The following PSMB2 variants were observed in gnomAD, a reference collection of about 807,000 sequenced individuals.
PSMB2 encodes proteasome subunit beta type-2.
Under a neutral mutation model 25.7 loss-of-function variants are expected in PSMB2, and 13 were observed. That is an observed-to-expected ratio of 0.51 (90% confidence interval 0.33 to 0.80). The LOEUF (loss-of-function observed/expected upper bound fraction) is 0.80. PSMB2 is among the 30% of genes least tolerant of loss of function. PSMB2 has a pLI of 0.02. For missense variants in PSMB2, 202 were observed against 259.0 expected, an observed-to-expected ratio of 0.78 and a Z score of 1.51; for synonymous variants, 87 against 96.2, an observed-to-expected ratio of 0.90 and a Z score of 0.56.
chr1:35,622,092 A>C (rs963916693), intron 3 of PSMB2, among the ~76,000 whole-genome samples: 1 of 152,178 alleles, frequency 6.6e-6, no homozygotes, highest in Admixed American at 6.5e-5. Context: ...AAATAGAAAA[A>C]TCCACCTTTC....
At chr1:35,622,223 G>C (rs1650710241) in intron 3 of PSMB2, among the ~76,000 whole-genome samples, 1 of 152,012 alleles carries the variant, frequency 6.6e-6, no homozygotes, top group Non-Finnish European at 1.5e-5. Flanking sequence ...ACATGATCTT[G>C]GGCCAGGGCA....
intron 2 of PSMB2, among the ~76,000 whole-genome samples, chr1:35,633,304 G>A (rs75640207): frequency 0.039 from 5,856 of 151,696 alleles, 356 homozygotes; most frequent in African/African-American, 0.12. Flanking sequence ...AAACACCACT[G>A]AAGATCTGAC....
chr1:35,606,110 C>T (rs973793560), intron 4 of PSMB2, among the ~76,000 whole-genome samples: 2 of 152,164 alleles, frequency 1.3e-5, no homozygotes, highest in Non-Finnish European at 2.9e-5. Flanking sequence ...CCAAAGTACC[C>T]ACTGCCCACA....
intron 3 of PSMB2, among the ~76,000 whole-genome samples, chr1:35,628,616 TATATATATATATATA>T (rs1557456475): frequency 1.7e-4 from 9 of 53,130 alleles, no homozygotes; most frequent in Admixed American, 2.7e-4. Context: ...TATATATATA[TATATATATATATATA>T]TTTTTTTTTT....
chr1:35,628,647 T>TA (rs1650990846), intron 3 of PSMB2, among the ~76,000 whole-genome samples: 4 of 99,952 alleles, frequency 4.0e-5, no homozygotes, highest in Non-Finnish European at 8.5e-5. Flanking sequence ...TTTTTTTTTT[T>TA]TAAAGAAAAG....
intron 2 of PSMB2, among the ~76,000 whole-genome samples, chr1:35,635,573 G>C (rs941009799): frequency 6.6e-6 from 1 of 152,114 alleles, no homozygotes; most frequent in Non-Finnish European, 1.5e-5. Flanking sequence ...GCTCACGCCT[G>C]TAATCCCAGC....
At chr1:35,628,597 ATATATATATATATATAT>A (rs1404595407) in intron 3 of PSMB2, among the ~76,000 whole-genome samples, 3 of 21,576 alleles carry the variant, frequency 1.4e-4, no homozygotes, top group Non-Finnish European at 2.5e-4. Flanking sequence ...AAAAAAAAAA[ATATATATATATATATAT>A]ATATATATAT....
At chr1:35,605,482 C>T (rs913561015) in intron 4 of PSMB2, among the ~76,000 whole-genome samples, 200 bp from the exon 5 acceptor site, 1 of 152,268 alleles carries the variant, frequency 6.6e-6, no homozygotes, top group Non-Finnish European at 1.5e-5. Flanking sequence ...AGTGCTCCAG[C>T]AGCTATAAGC....
rs1649979327 is a variant in PSMB2, at chr1:35,601,059, T to A, written c.*2208A>T. 1.7e-4 allele frequency: 6 copies of A among 34,772 alleles called. No homozygotes were observed. Among genetic ancestry groups the A allele is most frequent in the Non-Finnish European group, 2.1e-4 (6 of 28,538 alleles). The allele number at this position is 34,772 out of a possible 1,614,324, so 2.2% of individuals were successfully genotyped here. ...GGGCGTCAGAATCATCTGTGGCGCT[T>A]TTTTTTTTTTTTTTTTTTTTTTTTT... On this transcript the variant is annotated 3_prime_UTR_variant, in exon 6 of 6. Transcript: ENST00000373237.
At chr1:35,635,689 C>T (rs763635424) in intron 2 of PSMB2, among the ~76,000 whole-genome samples, 7 of 151,744 alleles carry the variant, frequency 4.6e-5, no homozygotes, top group Non-Finnish European at 8.8e-5. Context: ...ATTAGCTGGA[C>T]GTGGTGGTGC....
intron 3 of PSMB2, among the ~76,000 whole-genome samples, chr1:35,611,497 C>A (rs1030236716): frequency 3.3e-5 from 5 of 152,122 alleles, no homozygotes; most frequent in African/African-American, 1.2e-4. Context: ...CACCTACCAC[C>A]ATGCCCTGCT....
intron 3 of PSMB2, among the ~76,000 whole-genome samples, chr1:35,613,977 C>T (rs972631658): frequency 6.6e-6 from 1 of 152,174 alleles, no homozygotes; most frequent in African/African-American, 2.4e-5. Flanking sequence ...ACTTCTGGCA[C>T]TGAGATACGA....
intron 3 of PSMB2, among the ~76,000 whole-genome samples, chr1:35,616,637 A>T (rs1353898157): frequency 6.6e-6 from 1 of 152,230 alleles, no homozygotes. Flanking sequence ...ATCTAAAACT[A>T]TGTGGTAGTT....
At chr1:35,618,914 C>T (rs1013243831) in intron 3 of PSMB2, among the ~76,000 whole-genome samples, 3 of 152,146 alleles carry the variant, frequency 2.0e-5, no homozygotes, top group Admixed American at 1.3e-4. Context: ...CACTAAAAAA[C>T]AAACTGGCCC....
intron 3 of PSMB2, among the ~76,000 whole-genome samples, chr1:35,627,593 G>A (rs1010531239): frequency 1.3e-5 from 2 of 152,200 alleles, no homozygotes; most frequent in Non-Finnish European, 2.9e-5. Context: ...GGGCTGCAGA[G>A]AGCTGTGGTC....
chr1:35,631,242 CTCTA>C (rs1471169667), intron 3 of PSMB2, 28 bp downstream of exon 3: 4 of 1,593,176 alleles, frequency 2.5e-6, no homozygotes, highest in African/African-American at 2.7e-5. Context: ...GATTTTTCTG[CTCTA>C]TCTAACAATG....
chr1:35,611,742 T>C (rs773949232), intron 3 of PSMB2, among the ~76,000 whole-genome samples: 2 of 151,966 alleles, frequency 1.3e-5, no homozygotes, highest in African/African-American at 2.4e-5. Flanking sequence ...GAGAATCGCC[T>C]GAACCTGGGA....
chr1:35,626,933 T>G (rs1239369441), intron 3 of PSMB2, among the ~76,000 whole-genome samples: 2 of 152,134 alleles, frequency 1.3e-5, no homozygotes, highest in African/African-American at 4.8e-5. Context: ...TGATTTAGCA[T>G]TCAGGCAAAG....
chr1:35,621,038 A>G (rs1384958808), intron 3 of PSMB2, among the ~76,000 whole-genome samples: 1 of 152,078 alleles, frequency 6.6e-6, no homozygotes, highest in Non-Finnish European at 1.5e-5. Context: ...ATTTGTTTTT[A>G]ATCAGTAGAG....
Sources: allele counts gnomAD v4.1 joint callset (sites outside exome capture counted in the v4.1 genomes callset), GRCh38; gene constraint gnomAD v4.1.1; transcripts MANE v1.5; gene names NCBI Gene and HGNC (gene_info 2026-07-23, HGNC 2026-07-21).